Variants in C10orf53 observed in about 807,000 individuals in gnomAD.
C10orf53 encodes chromosome 10 open reading frame 53.
Under a neutral mutation model 9.4 loss-of-function variants are expected in C10orf53, and 8 were observed. The ratio of observed to expected loss-of-function variants is 0.85; its 90% confidence interval spans 0.50 to 1.53. C10orf53 has a LOEUF of 1.53. Among genes scored for constraint, C10orf53 ranks in the 40% most tolerant of loss-of-function variants. The probability of loss-of-function intolerance (pLI) is 0.00; values close to 1 mark genes in which losing one functional copy is unlikely to be tolerated. For synonymous variants in C10orf53, 48 were observed against 46.0 expected (o/e 1.04, Z -0.18); for missense variants, 117 against 117.8 (o/e 0.99, Z 0.03).
intron 2 of C10orf53, 44 bp downstream of exon 2, chr10:49,693,937 T>A: frequency 6.2e-7 from 1 of 1,612,864 alleles, no homozygotes; most frequent in East Asian, 2.2e-5. Flanking sequence ...TTGCCTCCTC[T>A]GAGGAGTCCC....
chr10:49,682,765 C>T (rs1840492256), intron 1 of C10orf53, among the ~76,000 whole-genome samples: 1 of 152,186 alleles, frequency 6.6e-6, no homozygotes, highest in Admixed American at 6.5e-5. Flanking sequence ...ACTAGCTAGA[C>T]AGAAAAGTTC....
At chr10:49,704,432 T>C (rs139173971) in intron 2 of C10orf53, among the ~76,000 whole-genome samples, 1 of 152,236 alleles carries the variant, frequency 6.6e-6, no homozygotes, top group East Asian at 1.9e-4. Flanking sequence ...CTTAATAAGA[T>C]AAATGCAAAT....
rs7904843 is a variant in C10orf53 at position 49,697,112 on chromosome 10, G to A, written c.*2510G>A. ...AGGGGCTGAGGCAGGAGGATCACCTGAGCCCAGGAGCTAGAGGCTGCAGCG... is the reference window on the plus strand; with the variant it reads ...AGGGGCTGAGGCAGGAGGATCACCTAAGCCCAGGAGCTAGAGGCTGCAGCG... On this transcript the variant is annotated 3_prime_UTR_variant, in exon 3 of 3. Coordinates refer to ENST00000374111, the MANE Select transcript of C10orf53 (RefSeq NM_001042427.3). Among the ~76,000 whole-genome samples, 55,378 of 152,122 alleles carry A rather than the reference G, an allele frequency of 0.36. 11,178 individuals carry two copies. The highest frequency in any genetic ancestry group is 0.45 in the Non-Finnish European group (30,450 of 67,984).
At chr10:49,694,122 A>G (rs1428115335) in intron 2 of C10orf53, 18 of 625,544 alleles carry the variant, frequency 2.9e-5, no homozygotes, top group South Asian at 1.1e-4. Flanking sequence ...TGGAAACAGG[A>G]AGGAAAATGA....
rs1783849978 is a variant in C10orf53, at chr10:49,679,748, A to G, written c.51A>G (p.Ala17=). ...TGCGCTATGGGCCCTACAGCGCGGC[A>G]GGCCTACCGGTGGAGCACCACACCT... is the stretch of plus-strand genomic sequence containing the variant. ...VILRYGPYSA[A]GLPVEHHTFR... is the part of the protein sequence containing the mutation. Residue 17 remains alanine (A), a synonymous_variant, in exon 1 of 3, where the codon GCA becomes GCG. Coordinates refer to ENST00000374111, the MANE Select transcript of C10orf53 (RefSeq NM_001042427.3). 1.3e-6 allele frequency: 2 copies of G among 1,547,166 alleles called. No individual in the cohort carries two copies. The highest frequency in any genetic ancestry group is 1.7e-6 in the Non-Finnish European group (2 of 1,145,856).
intron 2 of C10orf53, among the ~76,000 whole-genome samples, chr10:49,704,940 A>G (rs1416635937): frequency 6.6e-6 from 1 of 152,240 alleles, no homozygotes; most frequent in East Asian, 1.9e-4. Flanking sequence ...TGTCCTAAAG[A>G]TACTATCTAA....
intron 1 of C10orf53, among the ~76,000 whole-genome samples, chr10:49,689,827 G>T (rs1270565742): frequency 6.6e-6 from 1 of 152,048 alleles, no homozygotes; most frequent in Non-Finnish European, 1.5e-5. Context: ...TTAAAATGTT[G>T]TCCTTTTCTA....
intron 2 of C10orf53, among the ~76,000 whole-genome samples, chr10:49,704,654 G>C (rs1234072296): frequency 6.6e-6 from 1 of 152,202 alleles, no homozygotes; most frequent in African/African-American, 2.4e-5. Context: ...CAAGGTGGGA[G>C]AATTGCTTGA....
At chr10:49,703,872 A>G (rs1840704397) in intron 2 of C10orf53, among the ~76,000 whole-genome samples, 1 of 152,266 alleles carries the variant, frequency 6.6e-6, no homozygotes, top group Non-Finnish European at 1.5e-5. Flanking sequence ...TATGAACAAT[A>G]GTAGCCAAAA....
chr10:49,691,531 G>A (rs1170561018), intron 1 of C10orf53, among the ~76,000 whole-genome samples: 1 of 152,162 alleles, frequency 6.6e-6, no homozygotes, highest in East Asian at 1.9e-4. Flanking sequence ...CCCTGTAGAG[G>A]GCAGAGTGAA....
chr10:49,687,146 T>G (rs1293157341), intron 1 of C10orf53, among the ~76,000 whole-genome samples: 1 of 152,258 alleles, frequency 6.6e-6, no homozygotes, highest in Non-Finnish European at 1.5e-5. Flanking sequence ...GTTTTGTTTT[T>G]TATGTATCTG....
chr10:49,698,158 C>G (rs1438806974), downstream of C10orf53, among the ~76,000 whole-genome samples: 1 of 152,150 alleles, frequency 6.6e-6, no homozygotes, highest in Non-Finnish European at 1.5e-5. Flanking sequence ...AGTGCAGTGG[C>G]ATGCACCTGT....
rs1368282881 is a variant in C10orf53 at position 49,695,869 on chromosome 10, T to C, written c.*1267T>C. 1 of 152,236 alleles carries C rather than the reference T, an allele frequency of 6.6e-6. No homozygotes were observed. The highest frequency in any genetic ancestry group is 2.1e-4 in the South Asian group (1 of 4,836). The allele number at this position is 152,236 out of a possible 1,614,324, so 9.4% of individuals were successfully genotyped here. A position where few individuals can be genotyped will look rare whatever the true frequency, so the allele number is the denominator to read the frequency against. On this transcript the variant is annotated 3_prime_UTR_variant, in exon 3 of 3. Transcript: ENST00000374111. Reference sequence around the variant, plus strand: ...CCAGTGTCTGGTGCTGGTTTTCACATATCTTTTGTAACCCTACATTTAGTC... The same window carrying C: ...CCAGTGTCTGGTGCTGGTTTTCACACATCTTTTGTAACCCTACATTTAGTC...
rs766125739 is a variant in C10orf53, at chr10:49,693,959, T to C, written c.217+66T>C. On this transcript the variant is annotated intron_variant, in intron 2 of 2. Coordinates refer to ENST00000374111, the MANE Select transcript of C10orf53 (RefSeq NM_001042427.3). ...CTCTGAGGAGTCCCTCAATTTCTAG[T>C]TGAAATGATCAGTGTATCATGCCTG... is the stretch of plus-strand genomic sequence containing the variant. 1.9e-6 allele frequency: 3 copies of C among 1,603,032 alleles called. No individual in the cohort carries two copies. In the Admixed American group the frequency reaches 5.0e-5, roughly 27 times the overall value.
rs553802303 is a variant in C10orf53 at position 49,685,548 on chromosome 10, T to TAC, written c.97+5767_97+5768dup. Reference sequence around the variant, plus strand: ...GTATATATATTTGTGTATGTATATGTACACACACACACACTTACACACACA... The same window carrying TAC: ...GTATATATATTTGTGTATGTATATGTACACACACACACACACTTACACACACA... On this transcript the variant is annotated intron_variant, in intron 1 of 2. Coordinates refer to ENST00000374111, the MANE Select transcript of C10orf53 (RefSeq NM_001042427.3). Among the ~76,000 whole-genome samples the TAC allele has an allele frequency of 1.9e-3, 290 of 151,618 alleles. 5 individuals carry two copies. The highest frequency in any genetic ancestry group is 0.014 in the Admixed American group (220 of 15,234).
At chr10:49,702,806 A>G (rs1840693769) in intron 2 of C10orf53, among the ~76,000 whole-genome samples, 1 of 152,184 alleles carries the variant, frequency 6.6e-6, no homozygotes, top group Non-Finnish European at 1.5e-5. Flanking sequence ...ACAGAAGTCA[A>G]GAGTTGAGGC....
intron 1 of C10orf53, among the ~76,000 whole-genome samples, chr10:49,689,198 C>T (rs1161903043): frequency 6.6e-6 from 1 of 152,032 alleles, no homozygotes; most frequent in Non-Finnish European, 1.5e-5. Flanking sequence ...GATGAGACAG[C>T]CCCCCGAGGG....
At chr10:49,697,917 T>C (rs1409458652), downstream of C10orf53, among the ~76,000 whole-genome samples, 1 of 152,198 alleles carries the variant, frequency 6.6e-6, no homozygotes, top group African/African-American at 2.4e-5. Context: ...TTAAAAAGAA[T>C]AGATTTTCAA....
At chr10:49,680,902 T>G (rs1384624310) in intron 1 of C10orf53, among the ~76,000 whole-genome samples, 1 of 152,200 alleles carries the variant, frequency 6.6e-6, no homozygotes, top group East Asian at 1.9e-4. Context: ...GACCAAAATT[T>G]GGAGGAATAT....
Sources: gnomAD v4.1 joint callset for allele counts (sites outside exome capture counted in the v4.1 genomes callset) on GRCh38, gnomAD v4.1.1 for gene constraint, MANE v1.5 for transcripts, NCBI Gene and HGNC (gene_info 2026-07-23, HGNC 2026-07-21) for gene names.